The following CDH12 variants were observed in gnomAD, a reference collection of about 807,000 sequenced individuals.
CDH12 encodes the protein cadherin 12, also known as cadherin-12.
In CDH12, 41 loss-of-function variants were observed where a neutral mutation model predicts 74.1. The observed-to-expected ratio is 0.55, with a 90% CI of 0.43 to 0.72. The LOEUF is 0.72. CDH12 is among the 30% of genes least tolerant of loss of function. CDH12 has a pLI of 0.00. For synonymous variants in CDH12, 399 were observed against 355.0 expected, an observed-to-expected ratio of 1.12 and a Z score of -1.39; for missense variants, 945 against 977.2, an observed-to-expected ratio of 0.97 and a Z score of 0.44.
intron 6 of CDH12, chr5:21,883,887 G>A: frequency 6.2e-7 from 1 of 1,606,854 alleles, no homozygotes. Flanking sequence ...AGCTGCTGTT[G>A]AAGGAGGCAT....
intron 5 of CDH12, among the ~76,000 whole-genome samples, chr5:22,056,059 T>G (rs1013497361): frequency 6.6e-6 from 1 of 152,124 alleles, no homozygotes; most frequent in Non-Finnish European, 1.5e-5. Context: ...TTTGCAAAAT[T>G]TTTTAGTACA....
intron 5 of CDH12, among the ~76,000 whole-genome samples, chr5:22,024,315 A>G (rs1342097728): frequency 2.0e-5 from 3 of 152,104 alleles, no homozygotes; most frequent in Non-Finnish European, 4.4e-5. Context: ...TTTGGATCCA[A>G]TTCAGATAAA....
intron 1 of CDH12, among the ~76,000 whole-genome samples, chr5:22,749,570 A>C (rs1447042880): frequency 6.6e-6 from 1 of 152,212 alleles, no homozygotes; most frequent in Non-Finnish European, 1.5e-5. Flanking sequence ...TCTAAAAGTA[A>C]AATCAAATTG....
intron 1 of CDH12, among the ~76,000 whole-genome samples, chr5:22,812,167 G>A (rs1484165347): frequency 1.3e-5 from 2 of 152,070 alleles, no homozygotes; most frequent in East Asian, 3.9e-4. Context: ...TCTGTAAATT[G>A]TATGTTTTAG....
intron 6 of CDH12, among the ~76,000 whole-genome samples, chr5:21,885,178 C>T (rs1029158845): frequency 6.6e-5 from 10 of 151,498 alleles, no homozygotes; most frequent in Non-Finnish European, 1.2e-4. Context: ...TGAGCCACCG[C>T]GCCCAGGCAA....
intron 1 of CDH12, among the ~76,000 whole-genome samples, chr5:22,615,062 C>T (rs995027065): frequency 8.6e-5 from 13 of 152,006 alleles, no homozygotes; most frequent in African/African-American, 2.7e-4. Context: ...CTGGAATTTT[C>T]CATTTAACAT....
rs577723406 is a variant in CDH12 at position 22,076,973 on chromosome 5, G to A, written c.231+1473C>T. 5.3e-5 allele frequency among the ~76,000 whole-genome samples: 8 copies of A among 152,130 alleles called. No homozygotes were observed. In the South Asian group the frequency reaches 6.2e-4, roughly 12 times the overall value. Reference sequence around the variant, plus strand: ...GGGATTGCACTATGAGGTTGGCCCCGTGCCACTTGAACAGCCCCTGACTCC... The same window carrying A: ...GGGATTGCACTATGAGGTTGGCCCCATGCCACTTGAACAGCCCCTGACTCC... On this transcript the variant is annotated intron_variant, in intron 5 of 14. Coordinates refer to ENST00000382254, the MANE Select transcript of CDH12 (RefSeq NM_004061.5).
At chr5:22,526,607 C>A (rs1232029788) in intron 1 of CDH12, among the ~76,000 whole-genome samples, 2 of 152,102 alleles carry the variant, frequency 1.3e-5, no homozygotes. Context: ...GATGTCACCA[C>A]CTGGTTAAGC....
intron 1 of CDH12, among the ~76,000 whole-genome samples, chr5:22,707,141 A>C (rs1406855498): frequency 6.6e-6 from 1 of 152,216 alleles, no homozygotes; most frequent in Non-Finnish European, 1.5e-5. Context: ...TACACAGCAG[A>C]GTGATTCAAG....
intron 2 of CDH12, among the ~76,000 whole-genome samples, chr5:22,408,501 C>A (rs914224188): frequency 1.2e-4 from 18 of 151,644 alleles, no homozygotes; most frequent in African/African-American, 4.4e-4. Context: ...CAGAAGCAAT[C>A]TGGAAACTTC....
intron 3 of CDH12, among the ~76,000 whole-genome samples, chr5:22,240,823 C>T (rs959907173): frequency 2.0e-5 from 3 of 152,110 alleles, no homozygotes; most frequent in Admixed American, 6.6e-5. Context: ...CGTGAGCCAC[C>T]GCCGCACCTG....
chr5:22,595,288 C>T (rs1246296694), intron 1 of CDH12, among the ~76,000 whole-genome samples: 2 of 152,082 alleles, frequency 1.3e-5, no homozygotes, highest in African/African-American at 2.4e-5. Context: ...ACACTAAGAG[C>T]ATATCTGACC....
chr5:22,461,030 CTT>C (rs34555692), intron 2 of CDH12, among the ~76,000 whole-genome samples: 3 of 63,560 alleles, frequency 4.7e-5, no homozygotes, highest in Non-Finnish European at 5.6e-5. Context: ...CAATGTCTAG[CTT>C]TTTTTTTTTT....
intron 3 of CDH12, among the ~76,000 whole-genome samples, chr5:22,359,689 T>C (rs1349762590): frequency 6.6e-6 from 1 of 152,130 alleles, no homozygotes; most frequent in East Asian, 1.9e-4. Flanking sequence ...AGTAAAGCAC[T>C]CCTCAGCAAA....
At chr5:22,444,201 C>T (rs1744731741) in intron 2 of CDH12, among the ~76,000 whole-genome samples, 1 of 151,958 alleles carries the variant, frequency 6.6e-6, no homozygotes, top group Non-Finnish European at 1.5e-5. Flanking sequence ...AAAACACAAA[C>T]ATTACATAAT....
intron 1 of CDH12, among the ~76,000 whole-genome samples, chr5:22,599,846 C>T (rs1736772662): frequency 6.6e-6 from 1 of 151,970 alleles, no homozygotes; most frequent in African/African-American, 2.4e-5. Context: ...CAAAGATATC[C>T]TAATAAATTC....
intron 3 of CDH12, among the ~76,000 whole-genome samples, chr5:22,215,417 A>G (rs1428359092): frequency 6.6e-6 from 1 of 152,114 alleles, no homozygotes; most frequent in Non-Finnish European, 1.5e-5. Flanking sequence ...ATTAAAAGTT[A>G]TGTATGATTT....
At position 22,260,020 on chromosome 5, in the gene CDH12, C is replaced by G. The variant is rs540338017; in HGVS notation, c.-332-47377G>C. ...CTCCTTAAAAAGTGAGCATGTGTGTCTATTAAATCCAGAAATGATACTATC... is the reference window on the plus strand; with the variant it reads ...CTCCTTAAAAAGTGAGCATGTGTGTGTATTAAATCCAGAAATGATACTATC... On this transcript the variant is annotated intron_variant, in intron 3 of 14. Coordinates refer to ENST00000382254, the MANE Select transcript of CDH12 (RefSeq NM_004061.5). Among the ~76,000 whole-genome samples, 8 of 152,138 alleles carry G rather than the reference C, an allele frequency of 5.3e-5. No homozygotes were observed. The South Asian group carries it at 1.7e-3, about 32-fold the overall frequency.
At chr5:22,717,992 T>G (rs1743670128) in intron 1 of CDH12, among the ~76,000 whole-genome samples, 1 of 152,224 alleles carries the variant, frequency 6.6e-6, no homozygotes, top group African/African-American at 2.4e-5. Flanking sequence ...GTGTGTTTAA[T>G]TTGTAAGTAC....
Sources: gnomAD v4.1 joint callset for allele counts (sites outside exome capture counted in the v4.1 genomes callset) on GRCh38, gnomAD v4.1.1 for gene constraint, MANE v1.5 for transcripts, NCBI Gene and HGNC (gene_info 2026-07-23, HGNC 2026-07-21) for gene names.